Variants in ATAD1 observed in about 807,000 individuals in gnomAD.
The protein encoded by ATAD1 is outer mitochondrial transmembrane helix translocase.
Under a neutral mutation model 42.7 loss-of-function variants are expected in ATAD1, and 18 were observed. The observed-to-expected ratio is 0.42, with a 90% CI of 0.29 to 0.63. ATAD1 has a LOEUF of 0.63. ATAD1 is among the 20% of genes least tolerant of loss of function. The pLI, the probability that ATAD1 is intolerant of heterozygous loss-of-function variation, is 0.19. For missense variants in ATAD1, 294 were observed against 440.4 expected, an observed-to-expected ratio of 0.67 and a Z score of 2.98; for synonymous variants, 132 against 143.1, an observed-to-expected ratio of 0.92 and a Z score of 0.55.
intron 2 of ATAD1, among the ~76,000 whole-genome samples, chr10:87,807,069 C>G (rs1856958188): frequency 2.6e-5 from 4 of 152,152 alleles, no homozygotes; most frequent in Non-Finnish European, 2.9e-5. Context: ...CTCTGGTACT[C>G]CTATTGGTTG....
chr10:87,788,138 T>A (rs1430717853), intron 4 of ATAD1, among the ~76,000 whole-genome samples: 4 of 152,214 alleles, frequency 2.6e-5, no homozygotes, highest in African/African-American at 9.6e-5. Flanking sequence ...TGCATTAGCT[T>A]CAACTTTGTA....
At chr10:87,830,965 C>G (rs2132109432) in intron 1 of ATAD1, among the ~76,000 whole-genome samples, 1 of 152,254 alleles carries the variant, frequency 6.6e-6, no homozygotes, top group South Asian at 2.1e-4. Flanking sequence ...AGTCTTTGAC[C>G]AAAGGCAGTT....
At chr10:87,763,172 T>C (rs1317525573) in intron 8 of ATAD1, among the ~76,000 whole-genome samples, 3 of 151,708 alleles carry the variant, frequency 2.0e-5, no homozygotes, top group Non-Finnish European at 1.5e-5. Context: ...CATGGAGAAT[T>C]TTAGGAATTT....
At chr10:87,804,233 T>C (rs1452874531) in intron 2 of ATAD1, among the ~76,000 whole-genome samples, 1 of 152,242 alleles carries the variant, frequency 6.6e-6, no homozygotes, top group Non-Finnish European at 1.5e-5. Flanking sequence ...TACAGTGTAA[T>C]GATAGGACTA....
intron 1 of ATAD1, among the ~76,000 whole-genome samples, chr10:87,828,848 C>T (rs1589575587): frequency 6.6e-6 from 1 of 152,214 alleles, no homozygotes; most frequent in Admixed American, 6.5e-5. Flanking sequence ...TCTGTATCTA[C>T]TCTGCCTGTG....
intron 6 of ATAD1, among the ~76,000 whole-genome samples, chr10:87,772,304 G>C (rs1855084745): frequency 6.6e-6 from 1 of 151,646 alleles, no homozygotes; most frequent in South Asian, 2.1e-4. Flanking sequence ...GTAGAGACAA[G>C]GTCTCACTAT....
intron 8 of ATAD1, among the ~76,000 whole-genome samples, chr10:87,763,938 T>C (rs527412574): frequency 1.3e-5 from 2 of 152,154 alleles, no homozygotes; most frequent in African/African-American, 2.4e-5. Context: ...GTAAGACAAA[T>C]TGATTCTAAA....
At chr10:87,808,047 C>CT (rs1189780669) in intron 2 of ATAD1, among the ~76,000 whole-genome samples, 3 of 152,042 alleles carry the variant, frequency 2.0e-5, no homozygotes, top group Non-Finnish European at 4.4e-5. Context: ...CTATATAATG[C>CT]TTTTTTTAAA....
At chr10:87,839,940 TGGCCA>T (rs1234424170) in intron 1 of ATAD1, among the ~76,000 whole-genome samples, 1 of 152,248 alleles carries the variant, frequency 6.6e-6, no homozygotes, top group Admixed American at 6.5e-5. Context: ...CTTCACTTCA[TGGCCA>T]GGCTTTAGCC....
At chr10:87,818,136 C>T (rs1857516587) in intron 1 of ATAD1, 31 bp downstream of exon 1, 2 of 985,496 alleles carry the variant, frequency 2.0e-6, no homozygotes, top group Non-Finnish European at 1.2e-6. Flanking sequence ...GACAACCATC[C>T]CATGAGGCCC....
intron 1 of ATAD1, among the ~76,000 whole-genome samples, chr10:87,828,347 A>G (rs1003189777): frequency 2.0e-5 from 3 of 152,224 alleles, no homozygotes; most frequent in Admixed American, 2.0e-4. Context: ...AATGGCTGAC[A>G]TGGAGAAAGT....
At chr10:87,821,069 T>G (rs190891048), upstream of ATAD1, among the ~76,000 whole-genome samples, 3 of 152,176 alleles carry the variant, frequency 2.0e-5, no homozygotes, top group East Asian at 5.8e-4. Context: ...TTTTTGGGTT[T>G]TGTGTGTGTG....
At chr10:87,834,741 A>T (rs1244334276) in intron 1 of ATAD1, among the ~76,000 whole-genome samples, 5 of 151,474 alleles carry the variant, frequency 3.3e-5, no homozygotes, top group African/African-American at 1.2e-4. Context: ...TTCTCTATTG[A>T]TTTCTGTTTT....
intron 1 of ATAD1, 54 bp from the exon 2 acceptor site, chr10:87,814,666 G>T (rs1176821821): frequency 1.5e-6 from 2 of 1,302,420 alleles, no homozygotes; most frequent in South Asian, 2.4e-5. Flanking sequence ...TATTAAAATT[G>T]TAAGACTAAC....
chr10:87,813,183 G>T (rs1477197870), intron 2 of ATAD1, among the ~76,000 whole-genome samples: 2 of 151,628 alleles, frequency 1.3e-5, no homozygotes, highest in African/African-American at 2.4e-5. Context: ...AAGCCAAGGG[G>T]AAAAAAAGAC....
At chr10:87,817,764 G>A (rs1589565820) in intron 1 of ATAD1, 9 of 985,476 alleles carry the variant, frequency 9.1e-6, no homozygotes, top group Non-Finnish European at 9.6e-6. Context: ...TTTTGCACAA[G>A]GTGGTGGCCG....
upstream of ATAD1, among the ~76,000 whole-genome samples, chr10:87,819,681 A>T (rs1857589745): frequency 6.6e-6 from 1 of 152,196 alleles, no homozygotes; most frequent in African/African-American, 2.4e-5. Context: ...AACTTTTCTA[A>T]GTTCATATAC....
At chr10:87,767,533 G>T in intron 8 of ATAD1, 140 bp downstream of exon 8, 2 of 786,172 alleles carry the variant, frequency 2.5e-6, no homozygotes, top group Non-Finnish European at 2.1e-6. Context: ...ACAGGCCATA[G>T]ACCAGTACCA....
At chr10:87,768,642 C>A (rs1805139898) in intron 7 of ATAD1, among the ~76,000 whole-genome samples, 1 of 152,200 alleles carries the variant, frequency 6.6e-6, no homozygotes. Context: ...ATTTCCATTT[C>A]TATGTTAACA....
Sources: allele counts gnomAD v4.1 joint callset (sites outside exome capture counted in the v4.1 genomes callset), GRCh38; gene constraint gnomAD v4.1.1; transcripts MANE v1.5; gene names NCBI Gene and HGNC (gene_info 2026-07-23, HGNC 2026-07-21).